Variants in CALD1 observed in about 807,000 individuals in gnomAD.
CALD1 encodes the protein caldesmon 1, also known as caldesmon.
In CALD1, 33 loss-of-function variants were observed where a neutral mutation model predicts 99.9. The observed-to-expected ratio is 0.33, with a 90% confidence interval of 0.25 to 0.44. The LOEUF (loss-of-function observed/expected upper bound fraction) is 0.44, where lower values mean the gene tolerates loss of function less well. CALD1 is among the 20% of genes least tolerant of loss of function. The pLI, the probability that CALD1 is intolerant of heterozygous loss-of-function variation, is 1.00. For missense variants in CALD1, 861 were observed against 962.1 expected, an observed-to-expected ratio of 0.89 and a Z score of 1.39; for synonymous variants, 310 against 325.0, an observed-to-expected ratio of 0.95 and a Z score of 0.50.
At chr7:134,819,524 C>T (rs1033275170) in intron 1 of CALD1, among the ~76,000 whole-genome samples, 54 of 152,124 alleles carry the variant, frequency 3.5e-4, no homozygotes, top group African/African-American at 1.2e-3. Context: ...AATATGTATG[C>T]GTTGTTTATG....
At chr7:134,814,473 A>T (rs1798480721) in intron 1 of CALD1, among the ~76,000 whole-genome samples, 1 of 152,076 alleles carries the variant, frequency 6.6e-6, no homozygotes, top group African/African-American at 2.4e-5. Flanking sequence ...TCTCATGAAG[A>T]GTGTAGTGGT....
rs772998727 is a variant in CALD1, at chr7:134,933,575, G to A, written c.806G>A (p.Arg269Lys). 6.2e-7 allele frequency: 1 copy of A among 1,613,578 alleles called. No homozygotes were observed. Among genetic ancestry groups the A allele is most frequent in the Non-Finnish European group, 8.5e-7 (1 of 1,179,778 alleles). The change falls in exon 5 of 15, where the codon AGG becomes AAG. Residue 269 changes from arginine (R) to lysine (K), a missense_variant. Arg to Lys is a conservative substitution (Grantham distance 26). Around this residue, in one of 5 missense-constraint regions of CALD1, gnomAD observed 234 missense variants for 233.1 expected, o/e 1.00. Coordinates refer to ENST00000361675, the MANE Select transcript of CALD1 (RefSeq NM_033138.4). ...GACAAGGAAAGAGCTGAGGCAGAGA[G>A]GGCAAGGTTGGAAGCAGAAGAAAGA... ...EEDKERAEAE[R>K]ARLEAEERER...
At chr7:134,791,210 T>G (rs1188744084) in intron 1 of CALD1, among the ~76,000 whole-genome samples, 1 of 152,218 alleles carries the variant, frequency 6.6e-6, no homozygotes, top group Non-Finnish European at 1.5e-5. Flanking sequence ...GTTTGTTTGT[T>G]TTTTGAGATG....
At chr7:134,724,944 G>T in the CALD1 span, among the ~76,000 whole-genome samples, 5 of 152,214 alleles carry the variant, frequency 3.3e-5, no homozygotes, top group Admixed American at 6.5e-5. Context: ...TAACCAGGAG[G>T]CTGGCTTCTG....
the CALD1 span, among the ~76,000 whole-genome samples, chr7:134,712,689 C>T: frequency 6.6e-5 from 10 of 152,286 alleles, no homozygotes; most frequent in South Asian, 8.3e-4. Context: ...CAGGGCTCTG[C>T]GGAGACTTTG....
chr7:134,915,087 C>T (rs965143361), intron 3 of CALD1, among the ~76,000 whole-genome samples: 1 of 152,226 alleles, frequency 6.6e-6, no homozygotes, highest in African/African-American at 2.4e-5. Context: ...TACCAGCATC[C>T]CACAACCGCA....
chr7:134,932,945 G>A (rs1457824939), intron 4 of CALD1, 43 bp from the exon 5 acceptor site: 2 of 1,381,038 alleles, frequency 1.4e-6, no homozygotes, highest in Admixed American at 2.0e-5. Context: ...GCTGACTGAT[G>A]AATGAGCAAG....
intron 1 of CALD1, among the ~76,000 whole-genome samples, chr7:134,814,536 G>T (rs557640711): frequency 6.6e-6 from 1 of 152,118 alleles, no homozygotes; most frequent in Non-Finnish European, 1.5e-5. Context: ...CAGAATTCTG[G>T]GGCTCCCTTT....
chr7:134,773,056 T>C (rs1395671262), intron 1 of CALD1, among the ~76,000 whole-genome samples: 2 of 152,230 alleles, frequency 1.3e-5, no homozygotes, highest in African/African-American at 4.8e-5. Flanking sequence ...TATGTTTTCA[T>C]TCACTGTATT....
At chr7:134,751,437 C>T (rs1294765159) in intron 1 of CALD1, among the ~76,000 whole-genome samples, 1 of 152,156 alleles carries the variant, frequency 6.6e-6, no homozygotes, top group Non-Finnish European at 1.5e-5. Context: ...GAACCATGTT[C>T]ATAGGTTTAT....
chr7:134,754,814 A>G (rs530316619), intron 1 of CALD1, among the ~76,000 whole-genome samples: 1 of 152,314 alleles, frequency 6.6e-6, no homozygotes, highest in Admixed American at 6.5e-5. Context: ...GTATAAATAC[A>G]ATGTATAGCT....
chr7:134,732,624 T>G, the CALD1 span, among the ~76,000 whole-genome samples: 6 of 152,202 alleles, frequency 3.9e-5, no homozygotes, highest in East Asian at 1.2e-3. Flanking sequence ...ATATTGTTTA[T>G]AAATTACCAA....
intron 1 of CALD1, among the ~76,000 whole-genome samples, chr7:134,765,904 G>A (rs1274552484): frequency 6.6e-6 from 1 of 152,164 alleles, no homozygotes; most frequent in East Asian, 1.9e-4. Context: ...CCTCAGGATA[G>A]TGAGTGAGTT....
At chr7:134,744,803 T>C (rs955747392) in intron 1 of CALD1, among the ~76,000 whole-genome samples, 1 of 152,078 alleles carries the variant, frequency 6.6e-6, no homozygotes, top group African/African-American at 2.4e-5. Context: ...TTTTCTCTCT[T>C]TGCTCTTGAA....
chr7:134,756,110 T>C (rs941803163), intron 1 of CALD1, among the ~76,000 whole-genome samples: 1 of 151,812 alleles, frequency 6.6e-6, no homozygotes, highest in South Asian at 2.1e-4. Flanking sequence ...AGACTCGTCT[T>C]GAACTCCTGA....
At position 134,900,846 on chromosome 7, in the gene CALD1, C is replaced by T. The variant is rs561630029; in HGVS notation, c.72-27908C>T. 1.2e-3 allele frequency among the ~76,000 whole-genome samples: 190 copies of T among 152,114 alleles called. 1 individual carries two copies. The highest frequency in any genetic ancestry group is 4.2e-3 in the African/African-American group (176 of 41,438). ...GAACATTCCCCTCCCCAAAGACCCC[C>T]GAAGAGAAATGGCATGATATCTTCT... On this transcript the variant is annotated intron_variant, in intron 3 of 14. Transcript: ENST00000361675.
rs751314565 is a variant in CALD1 at position 134,968,389 on chromosome 7, C to T, written c.*44C>T. 7 of 1,590,932 alleles carry T rather than the reference C, an allele frequency of 4.4e-6. No individual in the cohort carries two copies. The highest frequency in any genetic ancestry group is 6.0e-6 in the Non-Finnish European group (7 of 1,159,086). On this transcript the variant is annotated 3_prime_UTR_variant, in exon 15 of 15. Transcript: ENST00000361675. The stretch of plus-strand genomic sequence containing the variant: ...CCAAGCTCAAGACGCAGGACGAGCT[C>T]AGTTGTAGAGGGCTAATTCGCTCTG...
rs1808134851 is a variant in CALD1, at chr7:134,960,023, T to C, written c.2111T>C (p.Val704Ala). The change falls in exon 12 of 15, where the codon GTT becomes GCT. Residue 704 changes from valine (V) to alanine (A), a missense_variant. Around this residue, in one of 5 missense-constraint regions of CALD1, gnomAD observed 190 missense variants for 249.0 expected, o/e 0.76. Transcript: ENST00000361675. ...PTKPAASDLP[V>A]PAEGVRNIKS... ...AAGCCGGCAGCCTCGGATCTTCCTG[T>C]TCCTGCTGAAGGTGTACGCAACATC... 6.2e-7 allele frequency: 1 copy of C among 1,614,180 alleles called. No homozygotes were observed. The highest frequency in any genetic ancestry group is 8.5e-7 in the Non-Finnish European group (1 of 1,180,026).
At chr7:134,944,897 A>T (rs1806738273) in intron 7 of CALD1, among the ~76,000 whole-genome samples, 1 of 152,212 alleles carries the variant, frequency 6.6e-6, no homozygotes, top group Non-Finnish European at 1.5e-5. Flanking sequence ...AAAACTCTGC[A>T]TTCTACTGAA....
Sources: gnomAD v4.1 joint callset for allele counts (sites outside exome capture counted in the v4.1 genomes callset) on GRCh38, gnomAD v4.1.1 for gene constraint, gnomAD v4.1.1 regional missense constraint, MANE v1.5 for transcripts, NCBI Gene and HGNC (gene_info 2026-07-23, HGNC 2026-07-21) for gene names.